The following TRPC7 variants were observed in gnomAD, a reference collection of about 807,000 sequenced individuals.
TRPC7 encodes short transient receptor potential channel 7.
A neutral mutation model predicts 90.1 loss-of-function variants in TRPC7; 42 were observed. That is an observed-to-expected ratio of 0.47 (90% CI 0.36 to 0.60). The LOEUF is 0.60. Among genes scored for constraint, TRPC7 ranks in the 20% least tolerant of loss-of-function variants. The pLI is 0.00. For missense variants in TRPC7, 955 were observed against 1,112.3 expected, an observed-to-expected ratio of 0.86 and a Z score of 2.01; for synonymous variants, 451 against 436.3, an observed-to-expected ratio of 1.03 and a Z score of -0.42.
At chr5:136,259,438 T>G (rs1756784602) in intron 5 of TRPC7, among the ~76,000 whole-genome samples, 1 of 152,190 alleles carries the variant, frequency 6.6e-6, no homozygotes, top group African/African-American at 2.4e-5. Context: ...AGGGACACAC[T>G]CCCAAGCTCT....
chr5:136,299,350 T>C (rs1370698929), intron 3 of TRPC7, among the ~76,000 whole-genome samples: 1 of 140,964 alleles, frequency 7.1e-6, no homozygotes, highest in Non-Finnish European at 1.6e-5. Flanking sequence ...CGTGTGTGTG[T>C]GTGTGTGTGT....
At position 136,279,139 on chromosome 5, in the gene TRPC7, G is replaced by A. The variant is rs575027559; in HGVS notation, c.964-4302C>T. On this transcript the variant is annotated intron_variant, in intron 3 of 11. Transcript: ENST00000513104. ...TTCTCAAAGAGAGCTCTCTGTTCCT[G>A]TATGCCAAGGACAGCAGGACACAAA... Among the ~76,000 whole-genome samples, 7 of 152,200 alleles carry A rather than the reference G, an allele frequency of 4.6e-5. No homozygotes were observed. The East Asian group carries it at 1.4e-3, about 29-fold the overall frequency.
chr5:136,359,142 A>G (rs1360196301), intron 1 of TRPC7, among the ~76,000 whole-genome samples: 1 of 152,184 alleles, frequency 6.6e-6, no homozygotes, highest in Non-Finnish European at 1.5e-5. Flanking sequence ...GACTCCATTT[A>G]GTTTTCTGCT....
intron 2 of TRPC7, among the ~76,000 whole-genome samples, chr5:136,319,889 C>T (rs973814030): frequency 1.4e-5 from 2 of 142,356 alleles, no homozygotes; most frequent in African/African-American, 2.9e-5. Flanking sequence ...TTTGGAATTC[C>T]CCAAACTGTG....
intron 2 of TRPC7, among the ~76,000 whole-genome samples, chr5:136,341,319 C>A (rs1341214259): frequency 6.6e-6 from 1 of 151,796 alleles, no homozygotes; most frequent in Non-Finnish European, 1.5e-5. Context: ...CTTGGACATG[C>A]TGATGTGGAC....
chr5:136,289,464 C>A (rs11745320), intron 3 of TRPC7, among the ~76,000 whole-genome samples: 27 of 152,342 alleles, frequency 1.8e-4, no homozygotes, highest in African/African-American at 6.5e-4. Flanking sequence ...GCTCTTCCAA[C>A]GGGCTTAACA....
At chr5:136,335,898 C>T (rs1271161740) in intron 2 of TRPC7, among the ~76,000 whole-genome samples, 25 of 110,832 alleles carry the variant, frequency 2.3e-4, no homozygotes, top group African/African-American at 7.9e-4. Flanking sequence ...AGCGAGACTC[C>T]GTCTCAAAAA....
intron 8 of TRPC7, among the ~76,000 whole-genome samples, chr5:136,227,313 T>A (rs1270898934): frequency 6.6e-6 from 1 of 152,202 alleles, no homozygotes; most frequent in African/African-American, 2.4e-5. Flanking sequence ...TCAAAACCCC[T>A]TATTAGCTGT....
Position 136,289,323 on chromosome 5 carries a change from C to T in TRPC7, c.964-14486G>A, listed in dbSNP as rs151209442. ...CAGACAGTGGGTGCAGTGCACCATG[C>T]GTGAGCCGAAGCAGGGCAAGGCATC... On this transcript the variant is annotated intron_variant, in intron 3 of 11. Coordinates refer to ENST00000513104, the MANE Select transcript of TRPC7 (RefSeq NM_020389.3). Among the ~76,000 whole-genome samples, 20 of 152,260 alleles carry T rather than the reference C, an allele frequency of 1.3e-4. No individual in the cohort carries two copies. In the East Asian group the frequency reaches 2.9e-3, roughly 22 times the overall value.
chr5:136,261,178 A>G (rs919393631), intron 5 of TRPC7, among the ~76,000 whole-genome samples: 1 of 152,110 alleles, frequency 6.6e-6, no homozygotes, highest in Admixed American at 6.6e-5. Context: ...GCTCAAATCT[A>G]TCTCTCAGTT....
chr5:136,296,249 G>T (rs1758166383), intron 3 of TRPC7, among the ~76,000 whole-genome samples: 1 of 152,104 alleles, frequency 6.6e-6, no homozygotes, highest in Non-Finnish European at 1.5e-5. Context: ...ATTAAGTTAG[G>T]GAGGAATAAT....
At chr5:136,257,692 G>A (rs373523736) in intron 5 of TRPC7, among the ~76,000 whole-genome samples, 12 of 152,040 alleles carry the variant, frequency 7.9e-5, no homozygotes, top group East Asian at 3.9e-4. Context: ...CAAGTATACC[G>A]TATCAAAATT....
At chr5:136,274,926 G>A (rs566288763) in intron 3 of TRPC7, 89 bp from the exon 4 acceptor site, 7 of 1,417,462 alleles carry the variant, frequency 4.9e-6, no homozygotes, top group Admixed American at 2.3e-5. Context: ...AGGAGTAGCT[G>A]GGGGCTGAAA....
Position 136,247,362 on chromosome 5 carries a change from A to C in TRPC7, c.1844+109T>G. 1 of 1,249,134 alleles carries C rather than the reference A, an allele frequency of 8.0e-7. No homozygotes were observed. Among genetic ancestry groups the C allele is most frequent in the Non-Finnish European group, 1.1e-6 (1 of 911,992 alleles). The allele number at this position is 1,249,134 out of a possible 1,614,324, so 77.4% of individuals were successfully genotyped here. A position where few individuals can be genotyped will look rare whatever the true frequency, so the allele number is the denominator to read the frequency against. On this transcript the variant is annotated intron_variant, in intron 7 of 11. Coordinates refer to ENST00000513104, the MANE Select transcript of TRPC7 (RefSeq NM_020389.3). The surrounding 1 kb of genome is among the most constrained non-coding windows in gnomAD (Gnocchi z 4.2). The stretch of plus-strand genomic sequence containing the variant: ...TTGAATAAAGTTGCCTTTAACCTTG[A>C]GAGATAGCAAGGAAACAGCAGTCTC...
At chr5:136,328,142 A>G (rs1031042449) in intron 2 of TRPC7, among the ~76,000 whole-genome samples, 2 of 152,206 alleles carry the variant, frequency 1.3e-5, no homozygotes, top group African/African-American at 4.8e-5. Context: ...ATGCAGATCC[A>G]AGGAAGGTGG....
chr5:136,338,696 A>C (rs983678508), intron 2 of TRPC7, among the ~76,000 whole-genome samples: 2 of 152,248 alleles, frequency 1.3e-5, no homozygotes, highest in African/African-American at 2.4e-5. Flanking sequence ...GGCTTGTTGC[A>C]TCTGAATGAT....
chr5:136,306,690 C>G (rs895366137), intron 3 of TRPC7, among the ~76,000 whole-genome samples: 6 of 152,114 alleles, frequency 3.9e-5, no homozygotes, highest in African/African-American at 1.2e-4. Flanking sequence ...GACATTCCAC[C>G]ATTGTGATTT....
intron 3 of TRPC7, among the ~76,000 whole-genome samples, chr5:136,299,311 AAAAG>A (rs1204444651): frequency 1.3e-5 from 2 of 150,388 alleles, no homozygotes; most frequent in African/African-American, 4.9e-5. Flanking sequence ...AAAAAAAAAA[AAAAG>A]AAATTTCTCT....
At chr5:136,282,623 A>G (rs1003347661) in intron 3 of TRPC7, among the ~76,000 whole-genome samples, 2 of 152,192 alleles carry the variant, frequency 1.3e-5, no homozygotes, top group South Asian at 2.1e-4. Context: ...TTAAATTTTA[A>G]CCTTTGAATT....
Sources: allele counts gnomAD v4.1 joint callset (sites outside exome capture counted in the v4.1 genomes callset), GRCh38; gene constraint gnomAD v4.1.1; non-coding constraint Gnocchi (gnomAD v3.1); transcripts MANE v1.5; gene names NCBI Gene and HGNC (gene_info 2026-07-23, HGNC 2026-07-21).